Variants in DLC1 observed in about 807,000 individuals in gnomAD.
DLC1 encodes the protein rho GTPase-activating protein 7.
In DLC1, 54 loss-of-function variants were observed where a neutral mutation model predicts 140.3. That is an observed-to-expected ratio of 0.38 (90% CI 0.31 to 0.48). DLC1 has a LOEUF of 0.48. Among genes scored for constraint, DLC1 ranks in the 20% least tolerant of loss-of-function variants. The probability of loss-of-function intolerance (pLI) is 0.96; values close to 1 mark genes in which losing one functional copy is unlikely to be tolerated. For synonymous variants in DLC1, 986 were observed against 728.1 expected (o/e 1.35, Z -5.70); for missense variants, 2,536 against 1,907.0 (o/e 1.33, Z -6.14).
chr8:13,123,507 ATTT>A (rs372704702), intron 5 of DLC1, among the ~76,000 whole-genome samples: 175 of 139,966 alleles, frequency 1.3e-3, no homozygotes, highest in Middle Eastern at 3.8e-3. Context: ...CAATGAGCTA[ATTT>A]TTTTTTTTTT....
At chr8:13,243,887 C>T (rs576372619) in intron 5 of DLC1, among the ~76,000 whole-genome samples, 2 of 152,290 alleles carry the variant, frequency 1.3e-5, no homozygotes, top group African/African-American at 4.8e-5. Context: ...GACTGTCCCT[C>T]TCTCTTAAGT....
intron 4 of DLC1, among the ~76,000 whole-genome samples, chr8:13,369,355 GAA>G (rs1333516845): frequency 4.5e-4 from 61 of 136,048 alleles, no homozygotes; most frequent in Middle Eastern, 3.8e-3. Flanking sequence ...TGGCTGGGTC[GAA>G]AAAAAAAAAA....
At chr8:13,437,789 C>A (rs1563346020) in intron 2 of DLC1, among the ~76,000 whole-genome samples, 2 of 152,114 alleles carry the variant, frequency 1.3e-5, no homozygotes, top group Non-Finnish European at 2.9e-5. Flanking sequence ...ACCATCAGGT[C>A]ATAAATGGAG....
chr8:13,245,197 A>T (rs1640748675), intron 5 of DLC1, among the ~76,000 whole-genome samples: 1 of 152,190 alleles, frequency 6.6e-6, no homozygotes, highest in African/African-American at 2.4e-5. Context: ...AGCCCAGGCT[A>T]TAGGAAGAGG....
chr8:13,411,669 T>C (rs1344120854), intron 2 of DLC1, among the ~76,000 whole-genome samples: 2 of 152,168 alleles, frequency 1.3e-5, no homozygotes, highest in Admixed American at 1.3e-4. Flanking sequence ...CACTCAATTT[T>C]GCTGGAAACC....
chr8:13,142,868 G>A (rs915970803), intron 5 of DLC1, among the ~76,000 whole-genome samples: 2 of 152,112 alleles, frequency 1.3e-5, no homozygotes, highest in Non-Finnish European at 2.9e-5. Context: ...TGACCAACAT[G>A]GAGAAACTCC....
chr8:13,540,057 A>C (rs766928675), intron 1 of DLC1, among the ~76,000 whole-genome samples: 7 of 152,208 alleles, frequency 4.6e-5, no homozygotes, highest in Non-Finnish European at 1.0e-4. Context: ...AGAGCTTTAC[A>C]AACCTAGTCG....
chr8:13,183,753 T>A (rs1440385072), intron 5 of DLC1, among the ~76,000 whole-genome samples: 1 of 152,228 alleles, frequency 6.6e-6, no homozygotes, highest in Non-Finnish European at 1.5e-5. Context: ...TCGATGTTCA[T>A]CAGGGATATT....
At chr8:13,173,401 C>A (rs760465552) in intron 5 of DLC1, among the ~76,000 whole-genome samples, 2 of 104,818 alleles carry the variant, frequency 1.9e-5, no homozygotes, top group South Asian at 3.2e-4. Context: ...GAGACGGAGT[C>A]TTGCTCTATC....
At chr8:13,507,744 C>G (rs1452631251) in intron 1 of DLC1, among the ~76,000 whole-genome samples, 1 of 152,116 alleles carries the variant, frequency 6.6e-6, no homozygotes, top group African/African-American at 2.4e-5. Flanking sequence ...TATGAAGTAG[C>G]TTCCATGTCT....
chr8:13,361,090 G>A (rs1330555384), intron 4 of DLC1, among the ~76,000 whole-genome samples: 2 of 152,046 alleles, frequency 1.3e-5, no homozygotes, highest in Admixed American at 6.5e-5. Context: ...AAAGTAGCTG[G>A]GTGTGTTGGC....
chr8:13,537,648 CTTTTT>C (rs3066420), intron 1 of DLC1, among the ~76,000 whole-genome samples: 12 of 90,354 alleles, frequency 1.3e-4, no homozygotes, highest in African/African-American at 3.2e-4. Context: ...ACAGCTAACT[CTTTTT>C]TTTTTTTTTT....
At chr8:13,307,899 T>G (rs891455903) in intron 4 of DLC1, among the ~76,000 whole-genome samples, 17 of 152,168 alleles carry the variant, frequency 1.1e-4, no homozygotes, top group African/African-American at 3.6e-4. Flanking sequence ...TATTTTGAAA[T>G]GAAGGAGGAA....
intron 4 of DLC1, among the ~76,000 whole-genome samples, chr8:13,386,797 AAT>A (rs58092314): frequency 0.11 from 16,351 of 152,028 alleles, 1,075 homozygotes; most frequent in Non-Finnish European, 0.15. Context: ...CCTTTTTAGA[AAT>A]ATTTTTTCCA....
intron 4 of DLC1, among the ~76,000 whole-genome samples, chr8:13,369,744 G>T (rs1693533035): frequency 6.6e-6 from 1 of 151,852 alleles, no homozygotes; most frequent in South Asian, 2.1e-4. Context: ...GGTTACACTT[G>T]CCTCCTGCCT....
intron 2 of DLC1, among the ~76,000 whole-genome samples, chr8:13,408,158 A>G (rs1211729555): frequency 6.6e-6 from 1 of 152,200 alleles, no homozygotes; most frequent in African/African-American, 2.4e-5. Flanking sequence ...AAAGAAAACA[A>G]CAACTATTTC....
intron 5 of DLC1, among the ~76,000 whole-genome samples, chr8:13,212,965 A>G (rs999722868): frequency 1.3e-5 from 2 of 152,038 alleles, no homozygotes; most frequent in African/African-American, 2.4e-5. Flanking sequence ...ATCACTTTCT[A>G]TTTGCTATGT....
chr8:13,140,804 A>G (rs146037491), intron 5 of DLC1, among the ~76,000 whole-genome samples: 5 of 152,170 alleles, frequency 3.3e-5, no homozygotes, highest in African/African-American at 1.2e-4. Flanking sequence ...GAAGACACAA[A>G]TTTAATTTAC....
At chr8:13,339,611 T>C (rs1370024156) in intron 4 of DLC1, 1 of 151,964 alleles carries the variant, frequency 6.6e-6, no homozygotes, top group Admixed American at 6.6e-5. Flanking sequence ...ATAAGGAGAG[T>C]AGGTGGCTTT....
Sources: allele counts gnomAD v4.1 joint callset (sites outside exome capture counted in the v4.1 genomes callset), GRCh38; gene constraint gnomAD v4.1.1; transcripts MANE v1.5; gene names NCBI Gene and HGNC (gene_info 2026-07-23, HGNC 2026-07-21).